HERC4: variants seen among roughly 807,000 people sequenced by gnomAD.
HERC4 encodes the protein HECT and RLD domain containing E3 ubiquitin protein ligase 4.
HERC4 carries 28 observed loss-of-function variants against 124.3 expected under a neutral mutation model. That is an observed-to-expected ratio of 0.23 (90% CI 0.17 to 0.31). The LOEUF (loss-of-function observed/expected upper bound fraction) is 0.31, where lower values mean the gene tolerates loss of function less well. Ranked by LOEUF, HERC4 falls within the 10% of genes least tolerant of loss-of-function variation. HERC4 has a pLI of 1.00. For missense variants in HERC4, 713 were observed against 1,229.3 expected (o/e 0.58, Z 6.28); for synonymous variants, 407 against 421.5 (o/e 0.97, Z 0.42).
intron 11 of HERC4, among the ~76,000 whole-genome samples, chr10:67,991,739 A>C (rs1347338429): frequency 6.6e-6 from 1 of 152,232 alleles, no homozygotes; most frequent in Non-Finnish European, 1.5e-5. Flanking sequence ...ACAAAGTATA[A>C]AAGTTAAGAT....
chr10:67,971,645 C>T (rs1042755365), intron 15 of HERC4, among the ~76,000 whole-genome samples: 5 of 151,636 alleles, frequency 3.3e-5, no homozygotes, highest in Admixed American at 2.6e-4. Flanking sequence ...ACAGATAAAA[C>T]CCATCTAACC....
chr10:68,058,463 G>A (rs1377246010), intron 3 of HERC4, among the ~76,000 whole-genome samples: 1 of 152,148 alleles, frequency 6.6e-6, no homozygotes, highest in East Asian at 1.9e-4. Flanking sequence ...ATATGAAACA[G>A]CATAATACCA....
At chr10:68,052,886 G>A (rs557883078) in intron 3 of HERC4, among the ~76,000 whole-genome samples, 1 of 152,062 alleles carries the variant, frequency 6.6e-6, no homozygotes, top group Non-Finnish European at 1.5e-5. Context: ...GAAAACGAAA[G>A]CTACAAAAAG....
At chr10:67,976,669 G>C (rs1406380453) in intron 15 of HERC4, among the ~76,000 whole-genome samples, 1 of 152,084 alleles carries the variant, frequency 6.6e-6, no homozygotes, top group Non-Finnish European at 1.5e-5. Context: ...AAAAAGTCTT[G>C]AATCACCAAC....
At position 67,995,211 on chromosome 10, in the gene HERC4, C is replaced by T. The variant is rs185533929; in HGVS notation, c.1070-2529G>A. ...CTACATGGAGGCAGGAGAGTAGTTCCATCAGGAAACACATAATTCCTTTGA... is the reference window on the plus strand; with the variant it reads ...CTACATGGAGGCAGGAGAGTAGTTCTATCAGGAAACACATAATTCCTTTGA... On this transcript the variant is annotated intron_variant, in intron 9 of 24. Transcript: ENST00000373700. 5.1e-5 allele frequency: 23 copies of T among 450,042 alleles called. No homozygotes were observed. In the East Asian group the frequency reaches 1.6e-3, roughly 31 times the overall value. 27.9% of individuals were successfully genotyped at this position (450,042 alleles called of 1,614,324 possible). A position where few individuals can be genotyped will look rare whatever the true frequency, so the allele number is the denominator to read the frequency against.
chr10:68,013,590 G>C (rs2038094908), intron 9 of HERC4, among the ~76,000 whole-genome samples: 1 of 152,186 alleles, frequency 6.6e-6, no homozygotes, highest in African/African-American at 2.4e-5. Context: ...GAAGAGGAGG[G>C]AATGAAGAGT....
At chr10:68,061,985 T>G (rs2041050928) in intron 3 of HERC4, among the ~76,000 whole-genome samples, 1 of 151,632 alleles carries the variant, frequency 6.6e-6, no homozygotes, top group African/African-American at 2.4e-5. Flanking sequence ...TACAACGGTA[T>G]TATATCACCA....
chr10:68,065,371 A>G (rs897310274), intron 3 of HERC4, among the ~76,000 whole-genome samples: 5 of 152,224 alleles, frequency 3.3e-5, no homozygotes, highest in African/African-American at 1.2e-4. Flanking sequence ...CTTAGATATG[A>G]ATAAAAAAGT....
chr10:68,017,160 T>C (rs139805453), intron 8 of HERC4, among the ~76,000 whole-genome samples: 127 of 152,316 alleles, frequency 8.3e-4, no homozygotes, highest in African/African-American at 2.9e-3. Flanking sequence ...ACAGTTGAGT[T>C]TGCCTTCTTG....
At chr10:67,945,830 T>C (rs1474100673) in intron 19 of HERC4, among the ~76,000 whole-genome samples, 1 of 146,912 alleles carries the variant, frequency 6.8e-6, no homozygotes. Context: ...ATACGACAGA[T>C]ACACGAAAAA....
intron 23 of HERC4, among the ~76,000 whole-genome samples, chr10:67,925,667 AG>A: frequency 6.6e-6 from 1 of 152,252 alleles, no homozygotes; most frequent in East Asian, 1.9e-4. Context: ...CGTGTGTATA[AG>A]GATACTGTGA....
At chr10:67,998,056 G>A (rs1163947619) in intron 9 of HERC4, among the ~76,000 whole-genome samples, 3 of 151,812 alleles carry the variant, frequency 2.0e-5, no homozygotes, top group Non-Finnish European at 2.9e-5. Flanking sequence ...GTGCCACCAC[G>A]CCTAGCTAAT....
intron 8 of HERC4, among the ~76,000 whole-genome samples, chr10:68,015,018 A>G (rs1267028577): frequency 6.6e-6 from 1 of 152,142 alleles, no homozygotes; most frequent in Non-Finnish European, 1.5e-5. Flanking sequence ...CCATACCCAT[A>G]TCTTATGCAA....
At chr10:67,991,349 T>A (rs945421125) in intron 11 of HERC4, 150 bp from the exon 12 acceptor site, 2 of 427,944 alleles carry the variant, frequency 4.7e-6, no homozygotes, top group African/African-American at 4.1e-5. Flanking sequence ...CAGAATTACA[T>A]AAATTGCTAA....
intron 16 of HERC4, among the ~76,000 whole-genome samples, chr10:67,963,916 G>A (rs1053173551): frequency 2.6e-5 from 4 of 152,086 alleles, no homozygotes; most frequent in African/African-American, 9.7e-5. Context: ...CTGAGGGAAG[G>A]TTAAATCCTT....
At chr10:67,950,192 A>C (rs541013985) in intron 19 of HERC4, among the ~76,000 whole-genome samples, 1 of 152,118 alleles carries the variant, frequency 6.6e-6, no homozygotes, top group Non-Finnish European at 1.5e-5. Flanking sequence ...TCCTACTATT[A>C]TACCTTCTCT....
chr10:67,959,073 T>C, intron 16 of HERC4: 2 of 1,553,962 alleles, frequency 1.3e-6, no homozygotes, highest in East Asian at 2.3e-5. Flanking sequence ...AAATGGAGTA[T>C]ATTTTACTCT....
At chr10:67,960,504 G>A (rs1463696283) in intron 16 of HERC4, among the ~76,000 whole-genome samples, 2 of 152,184 alleles carry the variant, frequency 1.3e-5, no homozygotes, top group East Asian at 3.9e-4. Flanking sequence ...TCCTGCCTCA[G>A]CCTCCCGAGT....
chr10:67,950,614 G>A (rs1185093628), intron 19 of HERC4, among the ~76,000 whole-genome samples: 3 of 152,124 alleles, frequency 2.0e-5, no homozygotes, highest in East Asian at 3.9e-4. Context: ...AAAGATTATG[G>A]CAGTAAGGTT....
Sources: gnomAD v4.1 joint callset for allele counts (sites outside exome capture counted in the v4.1 genomes callset) on GRCh38, gnomAD v4.1.1 for gene constraint, MANE v1.5 for transcripts, NCBI Gene and HGNC (gene_info 2026-07-23, HGNC 2026-07-21) for gene names.